The following DRC1 variants were observed in gnomAD, a reference collection of about 807,000 sequenced individuals.
DRC1 encodes the protein dynein regulatory complex subunit 1, also known as dynein regulatory complex protein 1.
A neutral mutation model predicts 98.7 loss-of-function variants in DRC1; 74 were observed. The ratio of observed to expected loss-of-function variants is 0.75; its 90% CI spans 0.62 to 0.91. The LOEUF is 0.91. DRC1 is among the 40% of genes least tolerant of loss of function. DRC1 has a pLI of 0.00. For synonymous variants in DRC1, 336 were observed against 334.1 expected, an observed-to-expected ratio of 1.01 and a Z score of -0.06; for missense variants, 875 against 886.0, an observed-to-expected ratio of 0.99 and a Z score of 0.16.
intron 1 of DRC1, among the ~76,000 whole-genome samples, chr2:26,404,877 G>C (rs558036083): frequency 1.4e-4 from 22 of 152,188 alleles, no homozygotes; most frequent in Non-Finnish European, 2.5e-4. Context: ...CTCTAAGTGG[G>C]TGGGAGCATG....
intron 3 of DRC1, among the ~76,000 whole-genome samples, chr2:26,423,388 C>T (rs559199255): frequency 1.3e-5 from 2 of 152,224 alleles, no homozygotes; most frequent in Middle Eastern, 3.4e-3. Context: ...GCTGTGACTT[C>T]GGTTCCTCAG....
chr2:26,447,023 G>C (rs1269398413), intron 10 of DRC1, among the ~76,000 whole-genome samples: 3 of 151,884 alleles, frequency 2.0e-5, no homozygotes, highest in East Asian at 1.9e-4. Context: ...CCGGGAGGTG[G>C]AGGTTGTAGT....
intron 13 of DRC1, 152 bp downstream of exon 13, chr2:26,450,833 A>C: frequency 2.0e-6 from 1 of 488,636 alleles, no homozygotes; most frequent in African/African-American, 2.0e-5. Context: ...GCACCCATCA[A>C]CCCATCACCT....
At position 26,448,689 on chromosome 2, in the gene DRC1, A is replaced by C; in HGVS notation, c.1397-2A>C. 4 of 1,614,046 alleles carry C rather than the reference A, an allele frequency of 2.5e-6. No homozygotes were observed. In the African/African-American group the frequency reaches 5.3e-5, roughly 22 times the overall value. ...TCTCTCCTCCCCATGACCCAACTGC[A>C]GAAGAGGAGGAGGCAGAAGAGGCCG... On this transcript the variant is annotated splice_acceptor_variant, in intron 10 of 16. Coordinates refer to ENST00000288710, the MANE Select transcript of DRC1 (RefSeq NM_145038.5). LOFTEE classifies it high-confidence loss of function.
intron 10 of DRC1, among the ~76,000 whole-genome samples, chr2:26,446,979 A>G (rs1663868995): frequency 6.6e-6 from 1 of 152,028 alleles, no homozygotes; most frequent in African/African-American, 2.4e-5. Flanking sequence ...AATCCCAGCT[A>G]CTCAGGAGGC....
At position 26,444,897 on chromosome 2, in the gene DRC1, C is replaced by A. The variant is rs777645007; in HGVS notation, c.1345C>A (p.Gln449Lys). Residue 449 changes from glutamine (Q) to lysine (K), a missense_variant, in exon 10 of 17, where the codon CAG (glutamine) becomes AAG (lysine). Transcript: ENST00000288710. ...FLNNVGPISQ[Q>K]PQKSATQIVE... ...GAACAATGTTGGGCCTATTTCTCAG[C>A]AGCCCCAGAAGTCCGCCACACAGAT... 6.2e-7 allele frequency: 1 copy of A among 1,614,226 alleles called. No homozygotes were observed. Among genetic ancestry groups the A allele is most frequent in the South Asian group, 1.1e-5 (1 of 91,086 alleles).
At chr2:26,407,947 C>T (rs1468026490) in intron 1 of DRC1, among the ~76,000 whole-genome samples, 2 of 152,224 alleles carry the variant, frequency 1.3e-5, no homozygotes, top group African/African-American at 2.4e-5. Context: ...ATATTCACAA[C>T]CTTCTCCTAT....
At position 26,440,368 on chromosome 2, in the gene DRC1, T is replaced by G. The variant is rs1354629076; in HGVS notation, c.889-10T>G. The stretch of plus-strand genomic sequence containing the variant: ...GTGTATATATATATATATAGTTTTT[T>G]TAACTTTAGATTCTTGAGCAGCAGC... On this transcript the variant is annotated splice_polypyrimidine_tract_variant and intron_variant, in intron 7 of 16. Coordinates refer to ENST00000288710, the MANE Select transcript of DRC1 (RefSeq NM_145038.5). The G allele has an allele frequency of 5.6e-6, 9 of 1,602,106 alleles. No homozygotes were observed. Among genetic ancestry groups the G allele is most frequent in the Non-Finnish European group, 7.7e-6 (9 of 1,175,484 alleles).
intron 8 of DRC1, among the ~76,000 whole-genome samples, chr2:26,440,809 T>A (rs2147998360): frequency 6.6e-6 from 1 of 152,260 alleles, no homozygotes; most frequent in East Asian, 1.9e-4. Flanking sequence ...AATATTCTCA[T>A]CCCCCATCTG....
At chr2:26,447,448 G>A (rs1572382757) in intron 10 of DRC1, among the ~76,000 whole-genome samples, 1 of 152,000 alleles carries the variant, frequency 6.6e-6, no homozygotes, top group East Asian at 1.9e-4. Context: ...AAATGCACTT[G>A]GAATAGTTTC....
At chr2:26,438,632 G>C (rs557937651) in intron 7 of DRC1, among the ~76,000 whole-genome samples, 7 of 152,310 alleles carry the variant, frequency 4.6e-5, no homozygotes, top group Non-Finnish European at 1.0e-4. Context: ...CTGTGGCAAT[G>C]TGGGTGGGGA....
At chr2:26,421,852 G>A (rs769595320) in intron 3 of DRC1, among the ~76,000 whole-genome samples, 16 of 152,118 alleles carry the variant, frequency 1.1e-4, no homozygotes, top group Admixed American at 9.8e-4. Context: ...GAGCCACCGC[G>A]CCCGGCTATC....
At chr2:26,450,198 C>T in intron 12 of DRC1, 113 bp downstream of exon 12, 1 of 955,988 alleles carries the variant, frequency 1.0e-6, no homozygotes, top group Non-Finnish European at 1.6e-6. Flanking sequence ...CGGGGCTTCC[C>T]CTGCTCCCTG....
At position 26,440,551 on chromosome 2, in the gene DRC1, C is replaced by T. The variant is rs755300811; in HGVS notation, c.1028+34C>T. The T allele has an allele frequency of 5.0e-6, 8 of 1,596,492 alleles. No homozygotes were observed. The African/African-American group carries it at 9.4e-5, about 19-fold the overall frequency. ...GCATGCAGAGCGTCTTTCTTCTGGG[C>T]CTTCTGTGCTGAGAATAGGGATGGA... On this transcript the variant is annotated intron_variant, in intron 8 of 16. Coordinates refer to ENST00000288710, the MANE Select transcript of DRC1 (RefSeq NM_145038.5).
chr2:26,417,320 G>C (rs925565845), intron 2 of DRC1, among the ~76,000 whole-genome samples: 1 of 151,720 alleles, frequency 6.6e-6, no homozygotes, highest in Non-Finnish European at 1.5e-5. Flanking sequence ...TTGGCTACTT[G>C]GCTATTCTTT....
At position 26,424,472 on chromosome 2, in the gene DRC1, T is replaced by TCCAGC. The variant is rs1663232513; in HGVS notation, c.540+25_540+29dup. 1 of 1,591,164 alleles carries TCCAGC rather than the reference T, an allele frequency of 6.3e-7. No homozygotes were observed. The highest frequency in any genetic ancestry group is 2.3e-5 in the East Asian group (1 of 44,340). On this transcript the variant is annotated intron_variant, in intron 4 of 16. Coordinates refer to ENST00000288710, the MANE Select transcript of DRC1 (RefSeq NM_145038.5). Reference sequence around the variant, plus strand: ...TACAGCAGGCAAGAGGCCCGGGCCCTCCAGCCCAGCCACAGGGGATCTGCC... The same window carrying TCCAGC: ...TACAGCAGGCAAGAGGCCCGGGCCCTCCAGCCCAGCCCAGCCACAGGGGATCTGCC...
chr2:26,451,798 A>T (rs1010289172), intron 13 of DRC1, among the ~76,000 whole-genome samples: 1 of 152,228 alleles, frequency 6.6e-6, no homozygotes, highest in African/African-American at 2.4e-5. Context: ...TTTAAAAACA[A>T]TTCTGTAGTG....
chr2:26,401,952 G>C lies in DRC1; in HGVS notation c.-38G>C. 1 of 1,563,010 alleles carries C rather than the reference G, an allele frequency of 6.4e-7. No homozygotes were observed. Among genetic ancestry groups the C allele is most frequent in the Non-Finnish European group, 8.7e-7 (1 of 1,153,694 alleles). On this transcript the variant is annotated 5_prime_UTR_variant, in exon 1 of 17. Transcript: ENST00000288710. The stretch of plus-strand genomic sequence containing the variant: ...GCAACCAGCCTGAGGTCTGGAGGTG[G>C]TGCGGAGGGAGCCGCCTAGGGACCA...
In DRC1 at chr2:26,431,872, C is replaced by T. The variant is rs1475762952; in HGVS notation, c.766-12C>T. ...GGTCCCTAACTTTTCCCTTGTCTTC[C>T]TGTGCCTTTAGCTGGAGTATCTTAA... On this transcript the variant is annotated splice_polypyrimidine_tract_variant and intron_variant, in intron 6 of 16. Transcript: ENST00000288710. 1.9e-6 allele frequency: 3 copies of T among 1,613,306 alleles called. No individual in the cohort carries two copies. In the South Asian group the frequency reaches 3.3e-5, roughly 18 times the overall value.
Sources: gnomAD v4.1 joint callset for allele counts (sites outside exome capture counted in the v4.1 genomes callset) on GRCh38, gnomAD v4.1.1 for gene constraint, MANE v1.5 for transcripts, NCBI Gene and HGNC (gene_info 2026-07-23, HGNC 2026-07-21) for gene names.